TTLL11: variants seen among roughly 807,000 people sequenced by gnomAD.
TTLL11 encodes tubulin tyrosine ligase like 11.
Under a neutral mutation model 51.7 loss-of-function variants are expected in TTLL11, and 42 were observed. That is an observed-to-expected ratio of 0.81 (90% confidence interval 0.64 to 1.05). The LOEUF (loss-of-function observed/expected upper bound fraction) is 1.05. Among genes scored for constraint, TTLL11 ranks in the 50% least tolerant of loss-of-function variants. The probability of loss-of-function intolerance (pLI) is 0.00; values close to 1 mark genes in which losing one functional copy is unlikely to be tolerated. For synonymous variants in TTLL11, 381 were observed against 383.5 expected, an observed-to-expected ratio of 0.99 and a Z score of 0.08; for missense variants, 799 against 940.4, an observed-to-expected ratio of 0.85 and a Z score of 1.97.
intron 6 of TTLL11, among the ~76,000 whole-genome samples, chr9:121,935,120 AT>A (rs34653983): frequency 8.8e-5 from 13 of 147,868 alleles, no homozygotes; most frequent in East Asian, 2.0e-4. Flanking sequence ...ATGCCCGGCT[AT>A]TTTTTTTTTG....
In TTLL11 at chr9:121,895,476, TGA is replaced by T. The variant is rs199828227; in HGVS notation, c.1482-24730_1482-24729del. ...GTGGTTGTGTAAATGTGTGGTTGTA[TGA>T]GTGTTAGTGTGTGTGGTTGTGTGTA... On this transcript the variant is annotated intron_variant, in intron 6 of 8. Coordinates refer to ENST00000321582, the MANE Select transcript of TTLL11 (RefSeq NM_001139442.2). Among the ~76,000 whole-genome samples the T allele has an allele frequency of 4.7e-3, 712 of 151,894 alleles. 21 individuals carry two copies. Among genetic ancestry groups the T allele is most frequent in the Admixed American group, 0.042 (647 of 15,246 alleles).
At chr9:121,887,730 A>C (rs774673880) in intron 6 of TTLL11, among the ~76,000 whole-genome samples, 1 of 152,232 alleles carries the variant, frequency 6.6e-6, no homozygotes, top group Non-Finnish European at 1.5e-5. Context: ...CCAATGAAGC[A>C]AATGCTTCAA....
intron 3 of TTLL11, among the ~76,000 whole-genome samples, chr9:121,996,820 C>T (rs1843281967): frequency 6.6e-6 from 1 of 152,200 alleles, no homozygotes; most frequent in South Asian, 2.1e-4. Flanking sequence ...AATTTTGATG[C>T]TCTGCAAAGA....
In TTLL11 at chr9:121,817,454, C is replaced by T; in HGVS notation, c.*5133G>A. ...TACGTTTGAGCAGCGCCTTCGTTTA[C>T]AAAACACTTTCACATTGATGACATT... On this transcript the variant is annotated 3_prime_UTR_variant, in exon 9 of 9. Coordinates refer to ENST00000321582, the MANE Select transcript of TTLL11 (RefSeq NM_001139442.2). The T allele has an allele frequency of 6.6e-6, 1 of 152,222 alleles. No homozygotes were observed. The highest frequency in any genetic ancestry group is 1.5e-5 in the Non-Finnish European group (1 of 68,050). 9.4% of individuals were successfully genotyped at this position (152,222 alleles called of 1,614,324 possible). A position where few individuals can be genotyped will look rare whatever the true frequency, so the allele number is the denominator to read the frequency against.
At chr9:122,061,156 T>C (rs1034229895) in intron 1 of TTLL11, among the ~76,000 whole-genome samples, 4 of 152,204 alleles carry the variant, frequency 2.6e-5, no homozygotes, top group Non-Finnish European at 4.4e-5. Flanking sequence ...CCCCTCTCCA[T>C]ATGTCTGTCT....
At position 122,002,765 on chromosome 9, in the gene TTLL11, T is replaced by C. The variant is rs553485558; in HGVS notation, c.694-12995A>G. Among the ~76,000 whole-genome samples, 962 of 151,676 alleles carry C rather than the reference T, an allele frequency of 6.3e-3. 9 individuals are homozygous for C. Among genetic ancestry groups the C allele is most frequent in the African/African-American group, 0.023 (935 of 41,292 alleles). On this transcript the variant is annotated intron_variant, in intron 3 of 8. Transcript: ENST00000321582. ...ATCGAGACCATCCTGGCCAACATGG[T>C]GAAACCCCCGTCTCTACTAAAACTA...
At chr9:122,087,281 C>G (rs1846149948) in intron 1 of TTLL11, among the ~76,000 whole-genome samples, 1 of 152,074 alleles carries the variant, frequency 6.6e-6, no homozygotes, top group South Asian at 2.1e-4. Flanking sequence ...GCGATTTCAG[C>G]TCACTGCAAC....
At chr9:121,847,889 T>C (rs1322242377) in intron 8 of TTLL11, among the ~76,000 whole-genome samples, 2 of 152,188 alleles carry the variant, frequency 1.3e-5, no homozygotes, top group East Asian at 1.9e-4. Context: ...TGAGCATAGA[T>C]GCAAAAACCC....
intron 3 of TTLL11, among the ~76,000 whole-genome samples, chr9:122,017,978 C>T (rs372458451): frequency 2.3e-4 from 35 of 152,254 alleles, no homozygotes; most frequent in African/African-American, 8.4e-4. Context: ...AAAGGATACA[C>T]ACTAAACAAA....
intron 1 of TTLL11, among the ~76,000 whole-genome samples, chr9:122,074,152 T>C (rs184682873): frequency 1.3e-5 from 2 of 151,826 alleles, no homozygotes; most frequent in Non-Finnish European, 2.9e-5. Context: ...TGCGCACATA[T>C]AATACCAGCA....
intron 6 of TTLL11, among the ~76,000 whole-genome samples, chr9:121,917,119 C>T (rs149413783): frequency 6.6e-6 from 1 of 152,184 alleles, no homozygotes; most frequent in African/African-American, 2.4e-5. Flanking sequence ...ATGTTTAGGG[C>T]TTTGACCCAA....
intron 6 of TTLL11, among the ~76,000 whole-genome samples, chr9:121,887,864 C>T (rs1311539923): frequency 1.3e-5 from 2 of 152,040 alleles, no homozygotes; most frequent in African/African-American, 4.8e-5. Flanking sequence ...CATCTGGTGT[C>T]TGGTGTGCTG....
chr9:122,077,833 CAA>C lies in TTLL11; in HGVS notation c.462+14852_462+14853del, dbSNP rs11286316. On this transcript the variant is annotated intron_variant, in intron 1 of 8. Coordinates refer to ENST00000321582, the MANE Select transcript of TTLL11 (RefSeq NM_001139442.2). ...TATTAGACCATAAAGCAAAAACCTG[CAA>C]AAAAAAAAAAAAAAGATGGGAGGAA... is the stretch of plus-strand genomic sequence containing the variant. 5.8e-4 allele frequency among the ~76,000 whole-genome samples: 58 copies of C among 99,198 alleles called. 1 individual carries two copies. Among genetic ancestry groups the C allele is most frequent in the Admixed American group, 8.4e-4 (8 of 9,570 alleles). 65.1% of individuals were successfully genotyped at this position (99,198 alleles called of 152,430 possible). A position where few individuals can be genotyped will look rare whatever the true frequency, so the allele number is the denominator to read the frequency against.
At position 121,989,910 on chromosome 9, in the gene TTLL11, A is replaced by G. The variant is rs1478891474; in HGVS notation, c.694-140T>C. On this transcript the variant is annotated intron_variant, in intron 3 of 8. Coordinates refer to ENST00000321582, the MANE Select transcript of TTLL11 (RefSeq NM_001139442.2). This position sits in a 1 kb window ranked among gnomAD's most constrained non-coding sequence, Gnocchi z 4.2. The stretch of plus-strand genomic sequence containing the variant: ...TCTGAGCAGGGGCTGAGCATCTTCC[A>G]TGGAGATGACACTGCACAAGGTACT... The G allele has an allele frequency of 3.4e-6, 5 of 1,466,652 alleles. No homozygotes were observed. In the East Asian group the frequency reaches 7.0e-5, roughly 21 times the overall value. The allele number at this position is 1,466,652 out of a possible 1,614,324, so 90.9% of individuals were successfully genotyped here.
At chr9:121,996,469 ACACACACATG>A (rs1158244542) in intron 3 of TTLL11, among the ~76,000 whole-genome samples, 1 of 152,144 alleles carries the variant, frequency 6.6e-6, no homozygotes, top group African/African-American at 2.4e-5. Flanking sequence ...ACACAGACAC[ACACACACATG>A]CACACACATG....
At chr9:122,043,368 T>G (rs887240707) in intron 1 of TTLL11, among the ~76,000 whole-genome samples, 8 of 152,188 alleles carry the variant, frequency 5.3e-5, no homozygotes, top group Admixed American at 3.9e-4. Context: ...TCAACAAGGA[T>G]GACAAGACTA....
At chr9:122,034,415 C>A (rs933868904) in intron 2 of TTLL11, among the ~76,000 whole-genome samples, 1 of 152,202 alleles carries the variant, frequency 6.6e-6, no homozygotes, top group Non-Finnish European at 1.5e-5. Context: ...AGTTTTTCTA[C>A]TGAAAATGGC....
intron 1 of TTLL11, among the ~76,000 whole-genome samples, chr9:122,083,608 G>A (rs1168338853): frequency 1.3e-5 from 2 of 152,118 alleles, no homozygotes; most frequent in Non-Finnish European, 2.9e-5. Flanking sequence ...TCAGTAGTTC[G>A]AGACCAGCCT....
chr9:121,854,012 G>A (rs1837744079), intron 8 of TTLL11, among the ~76,000 whole-genome samples: 1 of 152,172 alleles, frequency 6.6e-6, no homozygotes, highest in South Asian at 2.1e-4. Context: ...AGCGCTTTCC[G>A]TGTTTTGTTT....
Sources: allele counts gnomAD v4.1 joint callset (sites outside exome capture counted in the v4.1 genomes callset), GRCh38; gene constraint gnomAD v4.1.1; non-coding constraint Gnocchi (gnomAD v3.1); transcripts MANE v1.5; gene names NCBI Gene and HGNC (gene_info 2026-07-23, HGNC 2026-07-21).